BMPR1A: variants seen among roughly 807,000 people sequenced by gnomAD.
The protein encoded by BMPR1A is bone morphogenetic protein receptor type 1A, also known as bone morphogenetic protein receptor type-1A.
A neutral mutation model predicts 66.0 loss-of-function variants in BMPR1A; 7 were observed. That is an observed-to-expected ratio of 0.11 (90% CI 0.06 to 0.20). The LOEUF (loss-of-function observed/expected upper bound fraction) is 0.20, where lower values mean the gene tolerates loss of function less well. BMPR1A is among the 10% of genes least tolerant of loss of function. The probability of loss-of-function intolerance (pLI) is 1.00; values close to 1 mark genes in which losing one functional copy is unlikely to be tolerated. For synonymous variants in BMPR1A, 200 were observed against 229.7 expected (o/e 0.87, Z 1.17); for missense variants, 408 against 669.1 (o/e 0.61, Z 4.31).
rs144026619 is a variant in BMPR1A, at chr10:86,806,738, A to G, written c.-267-32127A>G. Among the ~76,000 whole-genome samples the G allele has an allele frequency of 7.1e-3, 1,073 of 151,982 alleles. 14 individuals are homozygous for G. Among genetic ancestry groups the G allele is most frequent in the African/African-American group, 0.025 (1,029 of 41,442 alleles). The stretch of plus-strand genomic sequence containing the variant: ...GACGAAATTTTTTTTTTTAAAGTAT[A>G]AATGGGGGTTTCACCATGTTGGCCA... On this transcript the variant is annotated intron_variant, in intron 1 of 12. Coordinates refer to ENST00000372037, the MANE Select transcript of BMPR1A (RefSeq NM_004329.3).
chr10:86,812,199 C>T (rs913556449), intron 1 of BMPR1A, among the ~76,000 whole-genome samples: 1 of 152,186 alleles, frequency 6.6e-6, no homozygotes, highest in Non-Finnish European at 1.5e-5. Context: ...TATCCCTTTG[C>T]AGTCACACCC....
chr10:86,857,254 C>T (rs1319225515), intron 2 of BMPR1A, among the ~76,000 whole-genome samples: 2 of 152,232 alleles, frequency 1.3e-5, no homozygotes, highest in African/African-American at 2.4e-5. Context: ...AGCATAATCT[C>T]CCCCATTCTG....
At chr10:86,848,161 G>A (rs375013971) in intron 2 of BMPR1A, among the ~76,000 whole-genome samples, 2 of 152,038 alleles carry the variant, frequency 1.3e-5, no homozygotes, top group South Asian at 2.1e-4. Context: ...TTGAACTCCC[G>A]ACCTCAAGGC....
At chr10:86,909,014 C>T (rs944460453) in intron 7 of BMPR1A, among the ~76,000 whole-genome samples, 1 of 152,164 alleles carries the variant, frequency 6.6e-6, no homozygotes, top group African/African-American at 2.4e-5. Flanking sequence ...TTTGCCTGTG[C>T]TCTGGGGCAG....
intron 1 of BMPR1A, among the ~76,000 whole-genome samples, chr10:86,795,734 A>AT (rs1159079276): frequency 2.6e-5 from 4 of 152,018 alleles, no homozygotes; most frequent in South Asian, 4.2e-4. Context: ...GTTGCTACTT[A>AT]TTTTTTTTAA....
At chr10:86,882,297 C>G (rs1319695348) in intron 3 of BMPR1A, among the ~76,000 whole-genome samples, 1 of 151,666 alleles carries the variant, frequency 6.6e-6, no homozygotes, top group Non-Finnish European at 1.5e-5. Flanking sequence ...GTGGCATGTG[C>G]CTGTAGTCAC....
chr10:86,848,476 AC>A (rs1466835531), intron 2 of BMPR1A, among the ~76,000 whole-genome samples: 1 of 151,962 alleles, frequency 6.6e-6, no homozygotes, highest in African/African-American at 2.4e-5. Flanking sequence ...TTGTGCTTAG[AC>A]TTCCTAGGGA....
chr10:86,816,379 C>T (rs942516998), intron 1 of BMPR1A, among the ~76,000 whole-genome samples: 3 of 152,020 alleles, frequency 2.0e-5, no homozygotes, highest in Admixed American at 6.6e-5. Flanking sequence ...AAATTATACA[C>T]GTGGTCACAT....
At chr10:86,815,207 T>A (rs1842019736) in intron 1 of BMPR1A, among the ~76,000 whole-genome samples, 3 of 152,234 alleles carry the variant, frequency 2.0e-5, no homozygotes, top group Admixed American at 2.0e-4. Flanking sequence ...CAGGATAGCA[T>A]TTCTAATTTC....
chr10:86,838,513 G>T (rs1015333398), intron 1 of BMPR1A, among the ~76,000 whole-genome samples: 6 of 151,516 alleles, frequency 4.0e-5, no homozygotes, highest in South Asian at 2.1e-4. Context: ...GTCTAAGTAG[G>T]AATCTGAATA....
intron 3 of BMPR1A, among the ~76,000 whole-genome samples, chr10:86,887,533 AT>A (rs1843082080): frequency 6.6e-6 from 1 of 152,124 alleles, no homozygotes; most frequent in South Asian, 2.1e-4. Flanking sequence ...TAACCTCTTG[AT>A]TTGAATTAGG....
intron 1 of BMPR1A, among the ~76,000 whole-genome samples, chr10:86,812,785 A>G (rs1841988819): frequency 6.6e-6 from 1 of 152,158 alleles, no homozygotes; most frequent in Admixed American, 6.6e-5. Flanking sequence ...TTTCCAATTG[A>G]TGAACCTATG....
chr10:86,871,395 G>C (rs1357593304), intron 2 of BMPR1A, among the ~76,000 whole-genome samples: 3 of 152,080 alleles, frequency 2.0e-5, no homozygotes, highest in African/African-American at 7.3e-5. Context: ...TGTATTCTTG[G>C]TATCTAATAC....
At position 86,926,772 on chromosome 10, in the gene BMPR1A, T is replaced by G. The variant is rs1843752907; in HGVS notation, c.*3053T>G. 1 of 186,998 alleles carries G rather than the reference T, an allele frequency of 5.3e-6. No homozygotes were observed. The highest frequency in any genetic ancestry group is 8.6e-5 in the East Asian group (1 of 11,578). The allele number at this position is 186,998 out of a possible 1,614,324, so 11.6% of individuals were successfully genotyped here. On this transcript the variant is annotated 3_prime_UTR_variant, in exon 13 of 13. Coordinates refer to ENST00000372037, the MANE Select transcript of BMPR1A (RefSeq NM_004329.3). ...TGTGTAGCTTCATTCAGATAGCTCT[T>G]TAAATAATTAAAATATAAAAGCAAA... is the stretch of plus-strand genomic sequence containing the variant.
At chr10:86,843,172 C>T (rs367726772) in intron 2 of BMPR1A, among the ~76,000 whole-genome samples, 5 of 152,206 alleles carry the variant, frequency 3.3e-5, no homozygotes, top group African/African-American at 1.2e-4. Context: ...TCTTCTATTC[C>T]CCTATGTACT....
At chr10:86,784,217 A>G (rs749933339) in intron 1 of BMPR1A, among the ~76,000 whole-genome samples, 33 of 152,158 alleles carry the variant, frequency 2.2e-4, no homozygotes, top group Non-Finnish European at 3.5e-4. Context: ...TCACCATTGT[A>G]ATGTTTGCTG....
chr10:86,828,390 A>C (rs1411690834), intron 1 of BMPR1A, among the ~76,000 whole-genome samples: 1 of 152,204 alleles, frequency 6.6e-6, no homozygotes. Flanking sequence ...CGGTTCACAA[A>C]GGGGAAAAAA....
intron 7 of BMPR1A, among the ~76,000 whole-genome samples, chr10:86,902,786 C>G (rs1476798262): frequency 1.3e-5 from 2 of 152,168 alleles, no homozygotes; most frequent in African/African-American, 2.4e-5. Flanking sequence ...CCAGGTGTAG[C>G]CAGTAGCCTG....
intron 1 of BMPR1A, among the ~76,000 whole-genome samples, chr10:86,815,062 C>A (rs1842017687): frequency 6.6e-6 from 1 of 152,140 alleles, no homozygotes; most frequent in South Asian, 2.1e-4. Context: ...GGATTACAGG[C>A]GTGAGCTACC....
Sources: gnomAD v4.1 joint callset for allele counts (sites outside exome capture counted in the v4.1 genomes callset) on GRCh38, gnomAD v4.1.1 for gene constraint, MANE v1.5 for transcripts, NCBI Gene and HGNC (gene_info 2026-07-23, HGNC 2026-07-21) for gene names.